Variants in PDXP observed in about 807,000 individuals in gnomAD.
PDXP encodes the protein chronophin.
PDXP carries 15 observed loss-of-function variants against 14.4 expected under a neutral mutation model. The ratio of observed to expected loss-of-function variants is 1.04; its 90% confidence interval spans 0.70 to 1.60. PDXP has a LOEUF of 1.60. Among genes scored for constraint, PDXP ranks in the 40% most tolerant of loss-of-function variants. The probability of loss-of-function intolerance (pLI) is 0.00; values close to 1 mark genes in which losing one functional copy is unlikely to be tolerated. For synonymous variants in PDXP, 233 were observed against 205.6 expected (o/e 1.13, Z -1.14); for missense variants, 413 against 427.6 (o/e 0.97, Z 0.30).
At chr22:37,661,917 ATTTTTTT>A (rs763030330) in intron 1 of PDXP, among the ~76,000 whole-genome samples, 4 of 71,186 alleles carry the variant, frequency 5.6e-5, no homozygotes, top group African/African-American at 1.2e-4. Flanking sequence ...TTTTTCTTTA[ATTTTTTT>A]TTTTTTTTTT....
At position 37,659,173 on chromosome 22, in the gene PDXP, G is replaced by A; in HGVS notation, c.391G>A (p.Gly131Arg). The A allele has an allele frequency of 8.6e-7, 1 of 1,159,188 alleles. No homozygotes were observed. The highest frequency in any genetic ancestry group is 1.1e-6 in the Non-Finnish European group (1 of 941,788). 71.8% of individuals were successfully genotyped at this position (1,159,188 alleles called of 1,614,324 possible). A position where few individuals can be genotyped will look rare whatever the true frequency, so the allele number is the denominator to read the frequency against. ...ELRAAGLRLA[G>R]DPSAGDGAAP... is the part of the protein sequence containing the mutation. ...GCGCGCCGCGGGGCTGCGCCTGGCC[G>A]GGGACCCGAGCGCGGGGGACGGCGC... Residue 131 changes from glycine to arginine, a missense_variant, in exon 1 of 2, where the codon GGG (glycine) becomes AGG (arginine). Coordinates refer to ENST00000215904, the MANE Select transcript of PDXP (RefSeq NM_020315.5).
chr22:37,661,953 T>G (rs1933216556), intron 1 of PDXP, among the ~76,000 whole-genome samples: 1 of 75,672 alleles, frequency 1.3e-5, no homozygotes, highest in African/African-American at 6.6e-5. Flanking sequence ...TTTTTTTTTT[T>G]TTTTTTGAGA....
intron 1 of PDXP, among the ~76,000 whole-genome samples, chr22:37,663,926 T>TTTA (rs1920992194): frequency 1.5e-5 from 1 of 65,368 alleles, no homozygotes; most frequent in African/African-American, 4.9e-5. Flanking sequence ...TGACTTTTTT[T>TTTA]TTTTTTTTTT....
At chr22:37,662,330 T>A (rs1008802521) in intron 1 of PDXP, among the ~76,000 whole-genome samples, 2 of 152,106 alleles carry the variant, frequency 1.3e-5, no homozygotes, top group African/African-American at 4.8e-5. Context: ...CCCTTCCCCA[T>A]CTTTGCCTTT....
At chr22:37,661,471 T>G (rs988393932) in intron 1 of PDXP, among the ~76,000 whole-genome samples, 7 of 152,052 alleles carry the variant, frequency 4.6e-5, no homozygotes, top group Admixed American at 3.9e-4. Context: ...CCTCCGAAAT[T>G]GTGTGTTTAT....
Position 37,658,905 on chromosome 22 carries a change from G to A in PDXP, c.123G>A (p.Pro41=), listed in dbSNP as rs1403899616. The A allele has an allele frequency of 2.4e-6, 3 of 1,225,652 alleles. No homozygotes were observed. Among genetic ancestry groups the A allele is most frequent in the Admixed American group, 4.3e-5 (1 of 23,022 alleles). 75.9% of individuals were successfully genotyped at this position (1,225,652 alleles called of 1,614,324 possible). A position where few individuals can be genotyped will look rare whatever the true frequency, so the allele number is the denominator to read the frequency against. Residue 41 remains proline, a synonymous_variant, in exon 1 of 2, where the codon CCG becomes CCA. Transcript: ENST00000215904. ...GCGAGCGCGCCGTGCCGGGCGCCCCGGAGCTGCTGGAGCGGCTGGCGCGGG... is the reference window on the plus strand; with the variant it reads ...GCGAGCGCGCCGTGCCGGGCGCCCCAGAGCTGCTGGAGCGGCTGGCGCGGG... ...WNGERAVPGA[P]ELLERLARAG... is the part of the protein sequence containing the mutation.
chr22:37,659,134 C>T lies in PDXP; in HGVS notation c.352C>T (p.Leu118=), dbSNP rs1356098367. Residue 118 remains leucine, a synonymous_variant, in exon 1 of 2, where the codon CTG becomes TTG. Coordinates refer to ENST00000215904, the MANE Select transcript of PDXP (RefSeq NM_020315.5). ...GAVFVLGGEG[L]RAELRAAGLR... ...CGTGTTCGTGCTGGGCGGCGAGGGG[C>T]TGCGCGCCGAGCTGCGCGCCGCGGG... The T allele has an allele frequency of 2.0e-6, 2 of 1,018,188 alleles. No individual in the cohort carries two copies. Among genetic ancestry groups the T allele is most frequent in the Non-Finnish European group, 2.3e-6 (2 of 853,562 alleles). The allele number at this position is 1,018,188 out of a possible 1,614,324, so 63.1% of individuals were successfully genotyped here. A position where few individuals can be genotyped will look rare whatever the true frequency, so the allele number is the denominator to read the frequency against.
In PDXP at chr22:37,666,219, G is replaced by A. The variant is rs1921079344; in HGVS notation, c.*348G>A. The A allele has an allele frequency of 1.2e-5, 4 of 345,076 alleles. No homozygotes were observed. The South Asian group carries it at 1.5e-4, about 13-fold the overall frequency. 21.4% of individuals were successfully genotyped at this position (345,076 alleles called of 1,614,324 possible). A position where few individuals can be genotyped will look rare whatever the true frequency, so the allele number is the denominator to read the frequency against. On this transcript the variant is annotated 3_prime_UTR_variant, in exon 2 of 2. Coordinates refer to ENST00000215904, the MANE Select transcript of PDXP (RefSeq NM_020315.5). ...TACTTAGTCTTCTCCCCCTTCCCTG[G>A]GGCTTCTAGAGCTCTCTCTGCCCCT...
At chr22:37,661,929 T>TTTA in intron 1 of PDXP, among the ~76,000 whole-genome samples, 3 of 17,612 alleles carry the variant, frequency 1.7e-4, no homozygotes, top group African/African-American at 7.6e-4. Context: ...TTTTTTTTTT[T>TTTA]TTTTTTTTTT....
At chr22:37,662,699 T>C (rs954184443) in intron 1 of PDXP, among the ~76,000 whole-genome samples, 1 of 152,184 alleles carries the variant, frequency 6.6e-6, no homozygotes, top group Non-Finnish European at 1.5e-5. Context: ...TTAAACATTA[T>C]CATTTAGGTC....
rs1394561416 is a variant in PDXP at position 37,658,891 on chromosome 22, G to A, written c.109G>A (p.Val37Met). 13 of 1,223,094 alleles carry A rather than the reference G, an allele frequency of 1.1e-5. No homozygotes were observed. The East Asian group carries it at 3.0e-4, about 28-fold the overall frequency. The allele number at this position is 1,223,094 out of a possible 1,614,324, so 75.8% of individuals were successfully genotyped here. Residue 37 changes from valine (V) to methionine (M), a missense_variant, in exon 1 of 2, where the codon GTG becomes ATG. Val to Met is a conservative substitution (Grantham distance 21). Coordinates refer to ENST00000215904, the MANE Select transcript of PDXP (RefSeq NM_020315.5). ...DGVLWNGERAVPGAPELLERL... is the reference protein window; with the variant it reads ...DGVLWNGERAMPGAPELLERL... ...GGTGCTGTGGAACGGCGAGCGCGCC[G>A]TGCCGGGCGCCCCGGAGCTGCTGGA...
At position 37,666,774 on chromosome 22, in the gene PDXP, A is replaced by G. The variant is rs1921097647; in HGVS notation, c.*903A>G. ...GGCTTTCGTGTCCCCCTGTGCGGTC[A>G]GTGTTTTCAGTACCACCTCTCTCCC... On this transcript the variant is annotated 3_prime_UTR_variant, in exon 2 of 2. Transcript: ENST00000215904. The G allele has an allele frequency of 6.0e-6, 1 of 167,104 alleles. No homozygotes were observed. Among genetic ancestry groups the G allele is most frequent in the African/African-American group, 2.4e-5 (1 of 41,448 alleles). 10.4% of individuals were successfully genotyped at this position (167,104 alleles called of 1,614,324 possible). A position where few individuals can be genotyped will look rare whatever the true frequency, so the allele number is the denominator to read the frequency against.
intron 1 of PDXP, among the ~76,000 whole-genome samples, chr22:37,659,944 AAT>A (rs1176012446): frequency 1.3e-5 from 2 of 152,208 alleles, no homozygotes; most frequent in African/African-American, 4.8e-5. Context: ...CAGAGAACTT[AAT>A]GAAACAGCTT....
At position 37,662,948 on chromosome 22, in the gene PDXP, ATT is replaced by A. The variant is rs1933232900; in HGVS notation, c.575-2606_575-2605del. On this transcript the variant is annotated intron_variant, in intron 1 of 1. Coordinates refer to ENST00000215904, the MANE Select transcript of PDXP (RefSeq NM_020315.5). ...GGTTGCTGTGAGCTGAGATCGCTCC[ATT>A]GCACTCCAGCCTGGGTGACAGAGCG... is the stretch of plus-strand genomic sequence containing the variant. Among the ~76,000 whole-genome samples, 3 of 151,794 alleles carry A rather than the reference ATT, an allele frequency of 2.0e-5. 1 individual carries two copies. In the South Asian group the frequency reaches 6.2e-4, roughly 32 times the overall value.
At chr22:37,659,503 G>A (rs1039102735) in intron 1 of PDXP, 147 bp downstream of exon 1, 2 of 511,256 alleles carry the variant, frequency 3.9e-6, no homozygotes, top group African/African-American at 3.9e-5. Flanking sequence ...GCTTTGGTGT[G>A]GGGGGCGGTT....
At chr22:37,662,012 G>A (rs1933217804) in intron 1 of PDXP, among the ~76,000 whole-genome samples, 1 of 131,132 alleles carries the variant, frequency 7.6e-6, no homozygotes, top group Admixed American at 8.9e-5. Context: ...CCTGATGTTG[G>A]CTCACTGCAA....
intron 1 of PDXP, among the ~76,000 whole-genome samples, chr22:37,663,768 C>A (rs1376238684): frequency 1.3e-5 from 2 of 152,094 alleles, no homozygotes; most frequent in African/African-American, 4.8e-5. Context: ...GCCAAATTCG[C>A]AAGATGACAG....
rs1921056846 is a variant in PDXP at position 37,665,756 on chromosome 22, C to T, written c.776C>T (p.Thr259Ile). 6 of 1,614,018 alleles carry T rather than the reference C, an allele frequency of 3.7e-6. No homozygotes were observed. Among genetic ancestry groups the T allele is most frequent in the Non-Finnish European group, 5.1e-6 (6 of 1,180,054 alleles). Reference protein sequence around the residue: ...RCGMTTVLTLTGVSRLEEAQA... With the variant: ...RCGMTTVLTLIGVSRLEEAQA... The stretch of plus-strand genomic sequence containing the variant: ...GGCATGACCACTGTGCTCACGCTCA[C>T]AGGAGTCTCCCGCCTAGAAGAGGCC... Residue 259 changes from threonine (T) to isoleucine (I), a missense_variant, in exon 2 of 2, where the codon ACA (threonine) becomes ATA (isoleucine). Physicochemically the swap from Thr to Ile is moderately conservative, Grantham distance 89. Transcript: ENST00000215904.
chr22:37,658,887 C>A lies in PDXP; in HGVS notation c.105C>A (p.Arg35=). The change falls in exon 1 of 2, where the codon CGC becomes CGA. Residue 35 remains arginine, a synonymous_variant. Coordinates refer to ENST00000215904, the MANE Select transcript of PDXP (RefSeq NM_020315.5). ...DCDGVLWNGE[R]AVPGAPELLE... ...ACGGGGTGCTGTGGAACGGCGAGCG[C>A]GCCGTGCCGGGCGCCCCGGAGCTGC... 8.2e-7 allele frequency: 1 copy of A among 1,222,348 alleles called. No individual in the cohort carries two copies. The highest frequency in any genetic ancestry group is 1.0e-6 in the Non-Finnish European group (1 of 980,194). 75.7% of individuals were successfully genotyped at this position (1,222,348 alleles called of 1,614,324 possible).
Sources: allele counts gnomAD v4.1 joint callset (sites outside exome capture counted in the v4.1 genomes callset), GRCh38; gene constraint gnomAD v4.1.1; transcripts MANE v1.5; gene names NCBI Gene and HGNC (gene_info 2026-07-23, HGNC 2026-07-21).